NFAM1: variants seen among roughly 807,000 people sequenced by gnomAD.
NFAM1 encodes the protein NFAT activating protein with ITAM motif 1.
NFAM1 carries 17 observed loss-of-function variants against 29.0 expected under a neutral mutation model. The observed-to-expected ratio is 0.59, with a 90% CI of 0.40 to 0.88. The LOEUF is 0.88. Ranked by LOEUF, NFAM1 falls within the 40% of genes least tolerant of loss-of-function variation. The pLI is 0.00. For synonymous variants in NFAM1, 175 were observed against 147.2 expected, an observed-to-expected ratio of 1.19 and a Z score of -1.36; for missense variants, 324 against 344.6, an observed-to-expected ratio of 0.94 and a Z score of 0.47.
intron 1 of NFAM1, among the ~76,000 whole-genome samples, chr22:42,415,449 G>A (rs1258827906): frequency 2.0e-5 from 3 of 151,962 alleles, no homozygotes; most frequent in African/African-American, 7.3e-5. Context: ...ACAGGCACCC[G>A]CCACCATGCC....
intron 4 of NFAM1, 77 bp from the exon 5 acceptor site, chr22:42,387,155 C>A: frequency 1.2e-6 from 1 of 814,898 alleles, no homozygotes; most frequent in Non-Finnish European, 1.9e-6. Flanking sequence ...CAGCCCCCTG[C>A]CTGTTACACA....
At position 42,432,370 on chromosome 22, in the gene NFAM1, T is replaced by G; in HGVS notation, c.-13A>C. The stretch of plus-strand genomic sequence containing the variant: ...GCTGGTTCTCCATCTGGGGGCCTGC[T>G]TGTCTGCGGCGACTCTTTAGTTCAC... On this transcript the variant is annotated 5_prime_UTR_variant, in exon 1 of 6. Coordinates refer to ENST00000329021, the MANE Select transcript of NFAM1 (RefSeq NM_145912.8). The G allele has an allele frequency of 6.4e-7, 1 of 1,557,098 alleles. No homozygotes were observed. Among genetic ancestry groups the G allele is most frequent in the Non-Finnish European group, 8.7e-7 (1 of 1,154,628 alleles).
At chr22:42,408,471 C>T (rs774343919) in intron 3 of NFAM1, among the ~76,000 whole-genome samples, 2 of 152,198 alleles carry the variant, frequency 1.3e-5, no homozygotes, top group Non-Finnish European at 2.9e-5. Context: ...CCCGAAGGTC[C>T]CCGGAGGGTG....
intron 4 of NFAM1, among the ~76,000 whole-genome samples, chr22:42,392,706 A>G (rs958646195): frequency 1.3e-5 from 2 of 152,192 alleles, no homozygotes; most frequent in Non-Finnish European, 2.9e-5. Context: ...AAGCAAAAGA[A>G]CAAGGCTCGG....
chr22:42,415,568 G>C (rs1405656679), intron 1 of NFAM1, among the ~76,000 whole-genome samples: 1 of 151,942 alleles, frequency 6.6e-6, no homozygotes, highest in African/African-American at 2.4e-5. Context: ...CAAAGTGCTG[G>C]GATTACAGGC....
At chr22:42,385,539 C>G (rs971279711) in intron 5 of NFAM1, among the ~76,000 whole-genome samples, 2 of 152,136 alleles carry the variant, frequency 1.3e-5, no homozygotes, top group Non-Finnish European at 2.9e-5. Flanking sequence ...TCCATGACTG[C>G]CCCCTACTCA....
chr22:42,392,494 G>A (rs893216418), intron 4 of NFAM1, among the ~76,000 whole-genome samples: 2 of 152,172 alleles, frequency 1.3e-5, no homozygotes, highest in Non-Finnish European at 2.9e-5. Context: ...CTGAAGGTGA[G>A]AGGGCTCTGT....
chr22:42,430,816 G>A (rs548152111), intron 1 of NFAM1, among the ~76,000 whole-genome samples: 1 of 152,214 alleles, frequency 6.6e-6, no homozygotes, highest in South Asian at 2.1e-4. Flanking sequence ...GGTGTCTTTT[G>A]GGGAGGAGGA....
intron 1 of NFAM1, among the ~76,000 whole-genome samples, chr22:42,428,649 C>T (rs1453198083): frequency 6.6e-6 from 1 of 152,168 alleles, no homozygotes; most frequent in Non-Finnish European, 1.5e-5. Flanking sequence ...ACGGTCCCAC[C>T]AGGCTGAGAG....
chr22:42,429,108 G>A (rs1788172476), intron 1 of NFAM1, among the ~76,000 whole-genome samples: 1 of 152,234 alleles, frequency 6.6e-6, no homozygotes, highest in Non-Finnish European at 1.5e-5. Flanking sequence ...ATGAGCTGGA[G>A]GCCGTGGGCT....
intron 1 of NFAM1, among the ~76,000 whole-genome samples, chr22:42,415,155 G>A (rs377034633): frequency 2.0e-5 from 3 of 152,024 alleles, no homozygotes; most frequent in Non-Finnish European, 2.9e-5. Context: ...CAATAACAAC[G>A]TCCAGTCTGG....
At chr22:42,424,745 G>A (rs1018701916) in intron 1 of NFAM1, among the ~76,000 whole-genome samples, 1 of 152,006 alleles carries the variant, frequency 6.6e-6, no homozygotes, top group Non-Finnish European at 1.5e-5. Context: ...GTGTCTGGGA[G>A]GGGGGTACAA....
intron 3 of NFAM1, among the ~76,000 whole-genome samples, chr22:42,403,186 C>T (rs1929785285): frequency 6.6e-6 from 1 of 152,064 alleles, no homozygotes; most frequent in South Asian, 2.1e-4. Flanking sequence ...GTTTGGCATC[C>T]CCACTGGGGA....
intron 1 of NFAM1, among the ~76,000 whole-genome samples, chr22:42,417,147 A>T (rs150016994): frequency 6.6e-6 from 1 of 152,198 alleles, no homozygotes; most frequent in Admixed American, 6.5e-5. Flanking sequence ...GAAAGAGAAG[A>T]GGCACCTCGC....
intron 4 of NFAM1, among the ~76,000 whole-genome samples, chr22:42,387,408 C>G (rs1245357306): frequency 1.3e-5 from 2 of 152,010 alleles, no homozygotes; most frequent in East Asian, 3.9e-4. Context: ...GCTGTCCCTG[C>G]CTGTCCCTAG....
At chr22:42,432,178 A>G in intron 1 of NFAM1, 59 bp downstream of exon 1, 1 of 1,466,470 alleles carries the variant, frequency 6.8e-7, no homozygotes, top group South Asian at 1.2e-5. Flanking sequence ...GGGCGGGATG[A>G]AAGCCGCTCT....
Position 42,386,958 on chromosome 22 carries a change from A to T in NFAM1, c.753+31T>A, listed in dbSNP as rs771391731. 4 of 1,276,450 alleles carry T rather than the reference A, an allele frequency of 3.1e-6. No individual in the cohort carries two copies. The South Asian group carries it at 5.6e-5, about 18-fold the overall frequency. The allele number at this position is 1,276,450 out of a possible 1,614,324, so 79.1% of individuals were successfully genotyped here. A position where few individuals can be genotyped will look rare whatever the true frequency, so the allele number is the denominator to read the frequency against. ...GATGGGAGGGTCAGATGGAGCAAGAAGCCAGGCTTGGTGCCCCAGCGCCTG... is the reference window on the plus strand; with the variant it reads ...GATGGGAGGGTCAGATGGAGCAAGATGCCAGGCTTGGTGCCCCAGCGCCTG... On this transcript the variant is annotated intron_variant, in intron 5 of 5. Coordinates refer to ENST00000329021, the MANE Select transcript of NFAM1 (RefSeq NM_145912.8).
chr22:42,411,019 C>CTTTTTTTT (rs138369373), intron 2 of NFAM1, among the ~76,000 whole-genome samples: 6 of 121,774 alleles, frequency 4.9e-5, no homozygotes, highest in African/African-American at 1.3e-4. Flanking sequence ...CTTTTCTTTT[C>CTTTTTTTT]TTTTTTTTTT....
chr22:42,424,144 G>T (rs182000829), intron 1 of NFAM1, among the ~76,000 whole-genome samples: 1 of 151,934 alleles, frequency 6.6e-6, no homozygotes, highest in African/African-American at 2.4e-5. Context: ...GGCTGGGCGC[G>T]GTGGCTCATG....
Sources: gnomAD v4.1 joint callset for allele counts (sites outside exome capture counted in the v4.1 genomes callset) on GRCh38, gnomAD v4.1.1 for gene constraint, MANE v1.5 for transcripts, NCBI Gene and HGNC (gene_info 2026-07-23, HGNC 2026-07-21) for gene names.